The following FOXM1 variants were observed in gnomAD, a reference collection of about 807,000 sequenced individuals.
FOXM1 encodes forkhead box protein M1.
A neutral mutation model predicts 63.6 loss-of-function variants in FOXM1; 25 were observed. The observed-to-expected ratio is 0.39, with a 90% CI of 0.29 to 0.55. The LOEUF (loss-of-function observed/expected upper bound fraction) is 0.55, where lower values mean the gene tolerates loss of function less well. FOXM1 is among the 20% of genes least tolerant of loss of function. The pLI is 0.60. For missense variants in FOXM1, 879 were observed against 958.7 expected (o/e 0.92, Z 1.10); for synonymous variants, 387 against 376.9 (o/e 1.03, Z -0.31).
At chr12:2,862,717 T>C (rs569942355) in intron 8 of FOXM1, among the ~76,000 whole-genome samples, 21 of 151,990 alleles carry the variant, frequency 1.4e-4, no homozygotes, top group African/African-American at 4.6e-4. Flanking sequence ...AATTTTTTTT[T>C]TTTTGTTACA....
intron 1 of FOXM1, chr12:2,876,520 G>A (rs2153942648): frequency 6.6e-6 from 1 of 152,576 alleles, no homozygotes; most frequent in Non-Finnish European, 1.5e-5. Context: ...AAAAGGGTAA[G>A]TAAGATGGAG....
At chr12:2,865,037 G>A (rs1030313582) in intron 6 of FOXM1, 1 of 581,422 alleles carries the variant, frequency 1.7e-6, no homozygotes, top group Non-Finnish European at 3.1e-6. Flanking sequence ...CTATATGCGT[G>A]GCAAAGAAAA....
chr12:2,875,996 G>A (rs2153942374), intron 1 of FOXM1, among the ~76,000 whole-genome samples: 1 of 151,462 alleles, frequency 6.6e-6, no homozygotes, highest in Middle Eastern at 3.4e-3. Flanking sequence ...GAACTCCTCA[G>A]GTGATCCACC....
chr12:2,869,436 A>ATTT lies in FOXM1; in HGVS notation c.655-685_655-683dup, dbSNP rs57569983. Among the ~76,000 whole-genome samples the ATTT allele has an allele frequency of 3.9e-3, 519 of 134,574 alleles. 3 individuals are homozygous for ATTT. Among genetic ancestry groups the ATTT allele is most frequent in the African/African-American group, 0.013 (487 of 36,418 alleles). 88.3% of individuals were successfully genotyped at this position (134,574 alleles called of 152,430 possible). On this transcript the variant is annotated intron_variant, in intron 3 of 8. Coordinates refer to ENST00000359843, the MANE Select transcript of FOXM1 (RefSeq NM_021953.4). ...AGGCATACACCACCACGCCCAGCTA[A>ATTT]TTTTTTTTTTTTTTTTGAGATGGAG...
chr12:2,873,545 T>C (rs1023918246), intron 2 of FOXM1, among the ~76,000 whole-genome samples: 2 of 151,450 alleles, frequency 1.3e-5, no homozygotes, highest in African/African-American at 2.4e-5. Context: ...AGACCCCTTC[T>C]TCATTTATTT....
chr12:2,873,992 T>C lies in FOXM1; in HGVS notation c.487A>G (p.Lys163Glu), dbSNP rs763038867. 3 of 1,612,708 alleles carry C rather than the reference T, an allele frequency of 1.9e-6. No homozygotes were observed. In the East Asian group the frequency reaches 6.7e-5, roughly 36 times the overall value. Reference protein sequence around the residue: ...PRPPGALCEQKRETCADGEAA... With the variant: ...PRPPGALCEQERETCADGEAA... ...GACCACATACCACAGGTCTCCCGTT[T>C]CTGCTCGCAAAGGGCTCCAGGTGGT... Residue 163 changes from lysine to glutamate, a missense_variant, in exon 2 of 9, where the codon AAA (lysine) becomes GAA (glutamate). Lys to Glu is a moderately conservative substitution (Grantham distance 56). Coordinates refer to ENST00000359843, the MANE Select transcript of FOXM1 (RefSeq NM_021953.4).
At chr12:2,866,348 C>T in intron 5 of FOXM1, 45 bp downstream of exon 5, 2 of 1,390,068 alleles carry the variant, frequency 1.4e-6, no homozygotes, top group Non-Finnish European at 1.9e-6. Context: ...ATGGCTATGA[C>T]AACCTCCAAC....
intron 3 of FOXM1, among the ~76,000 whole-genome samples, chr12:2,870,894 G>A (rs1379661980): frequency 6.9e-6 from 1 of 145,626 alleles, no homozygotes; most frequent in Non-Finnish European, 1.5e-5. Flanking sequence ...GGAGGTGGAG[G>A]TAGCAGTGAG....
chr12:2,875,846 G>A (rs150175467), intron 1 of FOXM1, among the ~76,000 whole-genome samples: 3,162 of 148,898 alleles, frequency 0.021, 113 homozygotes, highest in African/African-American at 0.073. Flanking sequence ...CTGCAACCTC[G>A]GCCTCCCGGG....
In FOXM1 at chr12:2,872,096, C is replaced by T; in HGVS notation, c.654G>A (p.Lys218=). ...TTTAGTGAGGGACGGAACAATTCAC[C>T]TTAACCTGTCGCTGCTCCAGGTGAC... ...ENCHLEQRQV[K]VEEPSRPSAS... The change falls in exon 3 of 9, where the codon AAG becomes AAA. Residue 218 remains lysine, a splice_region_variant and synonymous_variant. Transcript: ENST00000359843. The surrounding 1 kb of genome is among the most constrained non-coding windows in gnomAD (Gnocchi z 4.0). 3 of 1,614,172 alleles carry T rather than the reference C, an allele frequency of 1.9e-6. No homozygotes were observed. The highest frequency in any genetic ancestry group is 2.2e-5 in the East Asian group (1 of 44,886).
intron 4 of FOXM1, 67 bp downstream of exon 4, chr12:2,868,496 C>T (rs2098127524): frequency 8.9e-7 from 1 of 1,121,726 alleles, no homozygotes; most frequent in Non-Finnish European, 1.3e-6. Context: ...ATACAAGTTG[C>T]AGTACAGCAC....
At position 2,872,753 on chromosome 12, in the gene FOXM1, T is replaced by G. The variant is rs1194178737; in HGVS notation, c.503-506A>C. On this transcript the variant is annotated intron_variant, in intron 2 of 8. Coordinates refer to ENST00000359843, the MANE Select transcript of FOXM1 (RefSeq NM_021953.4). This position sits in a 1 kb window ranked among gnomAD's most constrained non-coding sequence, Gnocchi z 4.0. Reference sequence around the variant, plus strand: ...TTTCAGGACAAATTTAGGAGCATAGTTCAAATTGCATTTCAAGCTGAGCCA... The same window carrying G: ...TTTCAGGACAAATTTAGGAGCATAGGTCAAATTGCATTTCAAGCTGAGCCA... Among the ~76,000 whole-genome samples, 1 of 152,120 alleles carries G rather than the reference T, an allele frequency of 6.6e-6. No homozygotes were observed. The highest frequency in any genetic ancestry group is 1.5e-5 in the Non-Finnish European group (1 of 68,020).
At chr12:2,866,328 T>C in intron 5 of FOXM1, 65 bp downstream of exon 5, 1 of 1,372,444 alleles carries the variant, frequency 7.3e-7, no homozygotes, top group East Asian at 2.8e-5. Context: ...AGAACTTGTT[T>C]CCTTTTGAGA....
rs568539316 is a variant in FOXM1 at position 2,873,163 on chromosome 12, C to T, written c.502+814G>A. 8.7e-5 allele frequency among the ~76,000 whole-genome samples: 13 copies of T among 149,312 alleles called. No homozygotes were observed. In the South Asian group the frequency reaches 2.7e-3, roughly 31 times the overall value. On this transcript the variant is annotated intron_variant, in intron 2 of 8. Coordinates refer to ENST00000359843, the MANE Select transcript of FOXM1 (RefSeq NM_021953.4). ...CTGTAATCCCAGCACTTTGGGAGGC[C>T]GAGGTGGGCGAATCACCTGAGGTCA...
chr12:2,874,359 C>G lies in FOXM1; in HGVS notation c.120G>C (p.Glu40Asp). 2 of 1,614,104 alleles carry G rather than the reference C, an allele frequency of 1.2e-6. No homozygotes were observed. The highest frequency in any genetic ancestry group is 8.5e-7 in the Non-Finnish European group (1 of 1,180,020). ...CCTTGGAGGCCTCTGCTTGATTAGA[C>G]TCCTGTTGGGCAGGGGATCTCTTAG... ...EEPKRSPAQQ[E>D]SNQAEASKEV... The change falls in exon 2 of 9, where the codon GAG (glutamate) becomes GAC (aspartate). Residue 40 changes from glutamate (E) to aspartate (D), a missense_variant. This residue lies in a region of FOXM1 where 255 missense variants were observed against 292.4 expected (regional missense o/e 0.87). Transcript: ENST00000359843. The surrounding 1 kb of genome is among the most constrained non-coding windows in gnomAD (Gnocchi z 4.3).
intron 5 of FOXM1, 36 bp from the exon 6 acceptor site, chr12:2,865,435 A>G (rs2098121370): frequency 6.3e-7 from 1 of 1,586,992 alleles, no homozygotes; most frequent in African/African-American, 1.4e-5. Flanking sequence ...GAGAAATGAG[A>G]TGAAGTTACC....
In FOXM1 at chr12:2,864,956, A is replaced by G; in HGVS notation, c.1021-204T>C. ...GGGCAGGTGGGTGGCCTACAGACACATGATGGCAGAGTGGCACTACCGCTT... is the reference window on the plus strand; with the variant it reads ...GGGCAGGTGGGTGGCCTACAGACACGTGATGGCAGAGTGGCACTACCGCTT... On this transcript the variant is annotated intron_variant, in intron 6 of 8. Transcript: ENST00000359843. The surrounding 1 kb of genome is among the most constrained non-coding windows in gnomAD (Gnocchi z 5.1). The G allele has an allele frequency of 1.6e-6, 1 of 619,980 alleles. No homozygotes were observed. Among genetic ancestry groups the G allele is most frequent in the Admixed American group, 2.6e-5 (1 of 39,054 alleles). The allele number at this position is 619,980 out of a possible 1,614,324, so 38.4% of individuals were successfully genotyped here. A position where few individuals can be genotyped will look rare whatever the true frequency, so the allele number is the denominator to read the frequency against.
In FOXM1 at chr12:2,858,573, G is replaced by T; in HGVS notation, c.*65C>A. 2.2e-6 allele frequency: 3 copies of T among 1,395,288 alleles called. No individual in the cohort carries two copies. Among genetic ancestry groups the T allele is most frequent in the South Asian group, 1.3e-5 (1 of 76,934 alleles). The allele number at this position is 1,395,288 out of a possible 1,614,324, so 86.4% of individuals were successfully genotyped here. A position where few individuals can be genotyped will look rare whatever the true frequency, so the allele number is the denominator to read the frequency against. The stretch of plus-strand genomic sequence containing the variant: ...CTGCTGTCCTCACTCAGAGGCTTGG[G>T]GTGCACTGAGCCTTGGAGTGCCCGG... On this transcript the variant is annotated 3_prime_UTR_variant, in exon 9 of 9. Coordinates refer to ENST00000359843, the MANE Select transcript of FOXM1 (RefSeq NM_021953.4).
Position 2,859,514 on chromosome 12 carries a change from G to C in FOXM1, c.1416C>G (p.His472Gln). 6.2e-7 allele frequency: 1 copy of C among 1,614,022 alleles called. No homozygotes were observed. ...EEIQPGEEMPHLARPIKVESP... is the reference protein window; with the variant it reads ...EEIQPGEEMPQLARPIKVESP... ...TCTCCACTTTGATGGGTCTCGCTAA[G>C]TGTGGCATTTCCTCCCCAGGCTGGA... The change falls in exon 9 of 9, where the codon CAC becomes CAG. Residue 472 changes from histidine (H) to glutamine (Q), a missense_variant. Around this residue, in one of 4 missense-constraint regions of FOXM1, gnomAD observed 486 missense variants for 453.5 expected, o/e 1.07. Coordinates refer to ENST00000359843, the MANE Select transcript of FOXM1 (RefSeq NM_021953.4).
Sources: gnomAD v4.1 joint callset for allele counts (sites outside exome capture counted in the v4.1 genomes callset) on GRCh38, gnomAD v4.1.1 for gene constraint, gnomAD v4.1.1 regional missense constraint, Gnocchi (gnomAD v3.1) non-coding constraint, MANE v1.5 for transcripts, NCBI Gene and HGNC (gene_info 2026-07-23, HGNC 2026-07-21) for gene names.